The following FBN1 variants were observed in gnomAD, a reference collection of about 807,000 sequenced individuals.
FBN1 encodes fibrillin 1, also known as fibrillin-1.
Under a neutral mutation model 365.1 loss-of-function variants are expected in FBN1, and 29 were observed. The observed-to-expected ratio is 0.08, with a 90% CI of 0.06 to 0.11. The LOEUF (loss-of-function observed/expected upper bound fraction) is 0.11, where lower values mean the gene tolerates loss of function less well. FBN1 is among the 10% of genes least tolerant of loss of function. FBN1 has a pLI of 1.00. For missense variants in FBN1, 2,476 were observed against 3,703.2 expected (o/e 0.67, Z 8.60); for synonymous variants, 1,210 against 1,270.5 (o/e 0.95, Z 1.01).
At chr15:48,612,793 C>A (rs1262030302) in intron 3 of FBN1, among the ~76,000 whole-genome samples, 1 of 152,302 alleles carries the variant, frequency 6.6e-6, no homozygotes, top group South Asian at 2.1e-4. Flanking sequence ...GTAAATGACA[C>A]AACCTCAAGC....
At chr15:48,433,111 TG>T in intron 54 of FBN1, 123 bp from the exon 55 acceptor site, 2 of 977,644 alleles carry the variant, frequency 2.0e-6, no homozygotes, top group Non-Finnish European at 3.2e-6. Flanking sequence ...TAAACATGGA[TG>T]GATCAAGTGG....
At chr15:48,569,037 A>G (rs139142921) in intron 6 of FBN1, among the ~76,000 whole-genome samples, 29 of 152,226 alleles carry the variant, frequency 1.9e-4, no homozygotes, top group African/African-American at 6.5e-4. Flanking sequence ...AGGCGCCATT[A>G]CGAAAATTAA....
chr15:48,460,153 T>A, intron 43 of FBN1, 93 bp downstream of exon 43: 1 of 886,462 alleles, frequency 1.1e-6, no homozygotes, highest in Non-Finnish European at 1.9e-6. Context: ...GTTTAATATT[T>A]TTTTTCCTTT....
At chr15:48,411,577 T>G (rs1597507045) in intron 65 of FBN1, among the ~76,000 whole-genome samples, 198 bp from the exon 66 acceptor site, 1 of 152,246 alleles carries the variant, frequency 6.6e-6, no homozygotes, top group South Asian at 2.1e-4. Context: ...TATTAACTGA[T>G]GTCAGGAAGA....
chr15:48,633,756 T>C (rs1256027106), intron 2 of FBN1, among the ~76,000 whole-genome samples: 2 of 152,220 alleles, frequency 1.3e-5, no homozygotes, highest in Non-Finnish European at 2.9e-5. Context: ...GGTTTGGTTA[T>C]TTCAAGTATA....
chr15:48,601,480 G>T (rs2044566647), intron 4 of FBN1, among the ~76,000 whole-genome samples: 1 of 152,170 alleles, frequency 6.6e-6, no homozygotes, highest in South Asian at 2.1e-4. Context: ...AGAGAAGAAG[G>T]TTCGATAATT....
intron 6 of FBN1, among the ~76,000 whole-genome samples, chr15:48,568,252 GCAA>G (rs2044276905): frequency 1.3e-5 from 2 of 149,706 alleles, no homozygotes; most frequent in Admixed American, 6.6e-5. Flanking sequence ...AAATTACAAA[GCAA>G]TTCAATTCAC....
chr15:48,427,720 C>T lies in FBN1; in HGVS notation c.7051G>A (p.Gly2351Ser), dbSNP rs746127796. 1.3e-5 allele frequency: 21 copies of T among 1,613,942 alleles called. No individual in the cohort carries two copies. Among genetic ancestry groups the T allele is most frequent in the African/African-American group, 8.0e-5 (6 of 74,892 alleles). The change falls in exon 58 of 66, where the codon GGC (glycine) becomes AGC (serine). Residue 2351 changes from glycine to serine, a missense_variant. By Grantham distance (56) the Gly-to-Ser change is moderately conservative. Around this residue, in one of 5 missense-constraint regions of FBN1, gnomAD observed 1,780 missense variants for 2,840.8 expected, o/e 0.63. Coordinates refer to ENST00000316623, the MANE Select transcript of FBN1 (RefSeq NM_000138.5). ...TEVLQNMCQI[G>S]SSNRNPVTKS... ...GTGACGGGGTTCCTGTTGCTGGAGC[C>T]GATCTGACACATGTTTTGTAGCACC...
chr15:48,548,507 T>C (rs562080271), intron 6 of FBN1, among the ~76,000 whole-genome samples: 1 of 152,226 alleles, frequency 6.6e-6, no homozygotes, highest in Non-Finnish European at 1.5e-5. Flanking sequence ...ACTTCCATTC[T>C]ATAGAACTAG....
At chr15:48,639,194 A>T (rs1285950886) in intron 2 of FBN1, among the ~76,000 whole-genome samples, 2 of 152,202 alleles carry the variant, frequency 1.3e-5, no homozygotes, top group East Asian at 3.8e-4. Context: ...GAGAAAGAAA[A>T]GTTAACGTTA....
In FBN1 at chr15:48,456,568, C is replaced by G. The variant is rs753058457; in HGVS notation, c.5422+69G>C. 8 of 1,515,396 alleles carry G rather than the reference C, an allele frequency of 5.3e-6. No individual in the cohort carries two copies. In the Admixed American group the frequency reaches 1.3e-4, roughly 25 times the overall value. 93.9% of individuals were successfully genotyped at this position (1,515,396 alleles called of 1,614,324 possible). On this transcript the variant is annotated intron_variant, in intron 44 of 65. Coordinates refer to ENST00000316623, the MANE Select transcript of FBN1 (RefSeq NM_000138.5). ...TGAAATTTCAATGTTGTGAAATTCG[C>G]CAAGTGTGTATCAAGTAGCTCATCA...
At chr15:48,411,639 AC>A (rs1566888833) in intron 65 of FBN1, among the ~76,000 whole-genome samples, 2 of 152,252 alleles carry the variant, frequency 1.3e-5, no homozygotes, top group African/African-American at 4.8e-5. Flanking sequence ...TAGTCCCTGA[AC>A]AAGCTGCATC....
Position 48,644,617 on chromosome 15 carries a change from G to C in FBN1, c.153C>G (p.Asp51Glu). ...ACCGGTTCCTTTACCCTTTAAGCGC[G>C]TCGTGTCCTCCACCGCCTCTTCTCT... ...RAKRRGGGGHDALKGPNVCGS... is the reference protein window; with the variant it reads ...RAKRRGGGGHEALKGPNVCGS... Residue 51 changes from aspartate (D) to glutamate (E), a missense_variant, in exon 2 of 66, where the codon GAC becomes GAG. By Grantham distance (45) the Asp-to-Glu change is conservative (BLOSUM62 2). This residue lies in a region of FBN1 where 76 missense variants were observed against 85.4 expected (regional missense o/e 0.89). Transcript: ENST00000316623. 6.2e-7 allele frequency: 1 copy of C among 1,614,120 alleles called. No individual in the cohort carries two copies. Among genetic ancestry groups the C allele is most frequent in the South Asian group, 1.1e-5 (1 of 91,084 alleles).
At chr15:48,533,544 T>A (rs2043989785) in intron 8 of FBN1, among the ~76,000 whole-genome samples, 1 of 152,200 alleles carries the variant, frequency 6.6e-6, no homozygotes, top group South Asian at 2.1e-4. Context: ...TATCTCAAAT[T>A]ACTTTTCTGT....
chr15:48,454,342 C>A (rs1185145546), intron 44 of FBN1, among the ~76,000 whole-genome samples: 2 of 152,188 alleles, frequency 1.3e-5, no homozygotes, highest in African/African-American at 4.8e-5. Context: ...CATAAAACTA[C>A]TGAAAACAAA....
rs794728329 is a variant in FBN1 at position 48,495,204 on chromosome 15, T to C, written c.2596A>G (p.Ile866Val). The C allele has an allele frequency of 4.3e-6, 7 of 1,614,082 alleles. No homozygotes were observed. In the African/African-American group the frequency reaches 9.3e-5, roughly 22 times the overall value. The change falls in exon 22 of 66, where the codon ATC (isoleucine) becomes GTC (valine). Residue 866 changes from isoleucine to valine, a missense_variant. Physicochemically the swap from Ile to Val is conservative, Grantham distance 29 (BLOSUM62 3). Transcript: ENST00000316623. ...TVIDGRCEIN[I>V]NGATLKSQCC... ...TGGGACTTTAAGGTGGCTCCATTGA[T>C]GTTGATCTCACATCGCCCATCAATG...
At chr15:48,494,618 A>G (rs1459496939) in intron 22 of FBN1, among the ~76,000 whole-genome samples, 1 of 152,320 alleles carries the variant, frequency 6.6e-6, no homozygotes, top group South Asian at 2.1e-4. Context: ...AGAAAACTCA[A>G]GTCTATAATT....
intron 57 of FBN1, 156 bp downstream of exon 57, chr15:48,428,190 G>A (rs2042995289): frequency 1.1e-6 from 1 of 928,998 alleles, no homozygotes; most frequent in East Asian, 2.6e-5. Context: ...TGAGCCCAAT[G>A]GACAATCACA....
At chr15:48,571,027 G>T (rs1343450488) in intron 6 of FBN1, among the ~76,000 whole-genome samples, 1 of 152,218 alleles carries the variant, frequency 6.6e-6, no homozygotes, top group East Asian at 1.9e-4. Flanking sequence ...AAAGGCCAAA[G>T]ATCTAGTATA....
Sources: allele counts gnomAD v4.1 joint callset (sites outside exome capture counted in the v4.1 genomes callset), GRCh38; gene constraint gnomAD v4.1.1; regional missense constraint gnomAD v4.1.1; transcripts MANE v1.5; gene names NCBI Gene and HGNC (gene_info 2026-07-23, HGNC 2026-07-21).